AKIRIN1: variants seen among roughly 807,000 people sequenced by gnomAD.
AKIRIN1 encodes akirin 1.
In AKIRIN1, 4 loss-of-function variants were observed where a neutral mutation model predicts 25.9. The observed-to-expected ratio is 0.15, with a 90% confidence interval of 0.08 to 0.35. AKIRIN1 has a LOEUF of 0.35. Among genes scored for constraint, AKIRIN1 ranks in the 10% least tolerant of loss-of-function variants. The pLI is 1.00. For missense variants in AKIRIN1, 243 were observed against 266.1 expected, an observed-to-expected ratio of 0.91 and a Z score of 0.61; for synonymous variants, 125 against 105.1, an observed-to-expected ratio of 1.19 and a Z score of -1.16.
At chr1:38,994,363 T>A (rs1326895711) in intron 1 of AKIRIN1, among the ~76,000 whole-genome samples, 1 of 152,182 alleles carries the variant, frequency 6.6e-6, no homozygotes, top group East Asian at 1.9e-4. Context: ...AAATCTTTAT[T>A]GAGTGCTAGG....
chr1:38,994,672 A>ATTTTTTTTTTTTTTTTTTTTTTTT (rs10528399), intron 1 of AKIRIN1, among the ~76,000 whole-genome samples: 8 of 63,554 alleles, frequency 1.3e-4, no homozygotes, highest in South Asian at 2.2e-3. Flanking sequence ...CGCTCGGCTA[A>ATTTTTTTTTTTTTTTTTTTTTTTT]TTTTTTTTTT....
rs1643930315 is a variant in AKIRIN1 at position 38,994,231 on chromosome 1, T to G, written c.220+2631T>G. Among the ~76,000 whole-genome samples, 4 of 152,204 alleles carry G rather than the reference T, an allele frequency of 2.6e-5. No individual in the cohort carries two copies. In the South Asian group the frequency reaches 8.3e-4, roughly 31 times the overall value. Reference sequence around the variant, plus strand: ...TTTGGGGTAAGGGATGTTCAATTGGTAAGTATAATGCAACTATTCCACAAT... The same window carrying G: ...TTTGGGGTAAGGGATGTTCAATTGGGAAGTATAATGCAACTATTCCACAAT... On this transcript the variant is annotated intron_variant, in intron 1 of 4. Coordinates refer to ENST00000432648, the MANE Select transcript of AKIRIN1 (RefSeq NM_024595.3).
intron 1 of AKIRIN1, among the ~76,000 whole-genome samples, 170 bp from the exon 2 acceptor site, chr1:38,998,001 G>A (rs1352385243): frequency 1.3e-5 from 2 of 152,092 alleles, no homozygotes; most frequent in Admixed American, 6.6e-5. Flanking sequence ...TGCTTGGTAC[G>A]GTATAAACGT....
rs1355435386 is a variant in AKIRIN1 at position 38,998,575 on chromosome 1, C to A, written c.361+264C>A. 2.0e-5 allele frequency among the ~76,000 whole-genome samples: 3 copies of A among 152,084 alleles called. No individual in the cohort carries two copies. The East Asian group carries it at 5.8e-4, about 29-fold the overall frequency. On this transcript the variant is annotated intron_variant, in intron 2 of 4. Coordinates refer to ENST00000432648, the MANE Select transcript of AKIRIN1 (RefSeq NM_024595.3). Reference sequence around the variant, plus strand: ...GTAGCCAGGGTGCAATAAATAGCCACATGTGGGCTATTTAATTTTAAACTA... The same window carrying A: ...GTAGCCAGGGTGCAATAAATAGCCAAATGTGGGCTATTTAATTTTAAACTA...
chr1:39,004,171 A>G lies in AKIRIN1; in HGVS notation c.*116A>G. 2 of 1,162,364 alleles carry G rather than the reference A, an allele frequency of 1.7e-6. No individual in the cohort carries two copies. Among genetic ancestry groups the G allele is most frequent in the South Asian group, 2.5e-5 (2 of 81,366 alleles). The allele number at this position is 1,162,364 out of a possible 1,614,324, so 72.0% of individuals were successfully genotyped here. ...CAACTTTGCATCCTGAGAACACTTA[A>G]ACGTTTCTGCAGGTCCATTTTATAC... On this transcript the variant is annotated 3_prime_UTR_variant, in exon 5 of 5. Coordinates refer to ENST00000432648, the MANE Select transcript of AKIRIN1 (RefSeq NM_024595.3).
At chr1:39,002,170 T>TAGGTCA (rs1314462567) in intron 3 of AKIRIN1, among the ~76,000 whole-genome samples, 1 of 152,202 alleles carries the variant, frequency 6.6e-6, no homozygotes, top group Non-Finnish European at 1.5e-5. Context: ...CTATGGGATA[T>TAGGTCA]AGGTCAAGAT....
At chr1:38,995,965 T>C (rs1289913162) in intron 1 of AKIRIN1, among the ~76,000 whole-genome samples, 1 of 151,780 alleles carries the variant, frequency 6.6e-6, no homozygotes, top group Non-Finnish European at 1.5e-5. Flanking sequence ...ACCTGGGAGG[T>C]AGAGGTTGCA....
chr1:38,998,440 T>G, intron 2 of AKIRIN1, 129 bp downstream of exon 2: 1 of 1,085,652 alleles, frequency 9.2e-7, no homozygotes, highest in South Asian at 2.1e-5. Context: ...TTTACAGATA[T>G]TTTTAAAACT....
chr1:38,991,428 G>A lies in AKIRIN1; in HGVS notation c.48G>A (p.Ala16=). The part of the protein sequence containing the change: ...TLKRPMEFEA[A]LLSPGSPKRR... ...AGCGGCCCATGGAGTTCGAGGCGGC[G>A]CTGCTGAGCCCCGGCTCCCCGAAGC... The change falls in exon 1 of 5, where the codon GCG becomes GCA. Residue 16 remains alanine, a synonymous_variant. Coordinates refer to ENST00000432648, the MANE Select transcript of AKIRIN1 (RefSeq NM_024595.3). 7.3e-7 allele frequency: 1 copy of A among 1,363,704 alleles called. No individual in the cohort carries two copies. Among genetic ancestry groups the A allele is most frequent in the Non-Finnish European group, 9.4e-7 (1 of 1,062,422 alleles). 84.5% of individuals were successfully genotyped at this position (1,363,704 alleles called of 1,614,324 possible). A position where few individuals can be genotyped will look rare whatever the true frequency, so the allele number is the denominator to read the frequency against.
Position 38,991,433 on chromosome 1 carries a change from T to C in AKIRIN1, c.53T>C (p.Leu18Pro). The C allele has an allele frequency of 7.3e-7, 1 of 1,367,042 alleles. No homozygotes were observed. The highest frequency in any genetic ancestry group is 1.7e-5 in the South Asian group (1 of 59,742). The allele number at this position is 1,367,042 out of a possible 1,614,324, so 84.7% of individuals were successfully genotyped here. A position where few individuals can be genotyped will look rare whatever the true frequency, so the allele number is the denominator to read the frequency against. ...CCCATGGAGTTCGAGGCGGCGCTGCTGAGCCCCGGCTCCCCGAAGCGGCGG... is the reference window on the plus strand; with the variant it reads ...CCCATGGAGTTCGAGGCGGCGCTGCCGAGCCCCGGCTCCCCGAAGCGGCGG... ...KRPMEFEAAL[L>P]SPGSPKRRRC... Residue 18 changes from leucine to proline, a missense_variant, in exon 1 of 5, where the codon CTG (leucine) becomes CCG (proline). Around this residue, in one of 3 missense-constraint regions of AKIRIN1, gnomAD observed 28 missense variants for 46.4 expected, o/e 0.60. Transcript: ENST00000432648.
chr1:38,994,119 C>G (rs898090153), intron 1 of AKIRIN1, among the ~76,000 whole-genome samples: 1 of 151,468 alleles, frequency 6.6e-6, no homozygotes, highest in Non-Finnish European at 1.5e-5. Flanking sequence ...TTCTGAAATC[C>G]GAAATGCTGC....
Position 39,003,303 on chromosome 1 carries a change from T to C in AKIRIN1, c.497-44T>C, listed in dbSNP as rs1448032620. Reference sequence around the variant, plus strand: ...ATCCTGACGCTTGATTCTTAAAAATTGAGGGAGAGTTGCTGAGGATAAGTA... The same window carrying C: ...ATCCTGACGCTTGATTCTTAAAAATCGAGGGAGAGTTGCTGAGGATAAGTA... On this transcript the variant is annotated intron_variant, in intron 3 of 4. Coordinates refer to ENST00000432648, the MANE Select transcript of AKIRIN1 (RefSeq NM_024595.3). 8.9e-6 allele frequency: 14 copies of C among 1,575,626 alleles called. No homozygotes were observed. In the African/African-American group the frequency reaches 1.9e-4, roughly 21 times the overall value.
At chr1:38,996,912 C>T (rs1345366936) in intron 1 of AKIRIN1, among the ~76,000 whole-genome samples, 1 of 152,212 alleles carries the variant, frequency 6.6e-6, no homozygotes, top group Non-Finnish European at 1.5e-5. Flanking sequence ...TGTGGAACCA[C>T]TTGAATTCAT....
chr1:38,996,697 A>T (rs4370759), intron 1 of AKIRIN1, among the ~76,000 whole-genome samples: 53,847 of 151,582 alleles, frequency 0.36, 10,068 homozygotes, highest in Non-Finnish European at 0.4. Flanking sequence ...GCCTGGCTAA[A>T]TTTTTTTATT....
chr1:38,999,873 TG>T, intron 2 of AKIRIN1, among the ~76,000 whole-genome samples: 1 of 150,466 alleles, frequency 6.6e-6, no homozygotes, highest in East Asian at 1.9e-4. Context: ...TTTTTGTTTT[TG>T]TTTTTTGTTT....
intron 1 of AKIRIN1, among the ~76,000 whole-genome samples, chr1:38,996,515 G>T (rs1643949632): frequency 6.7e-6 from 1 of 148,716 alleles, no homozygotes; most frequent in African/African-American, 2.5e-5. Flanking sequence ...TAGCACTCTT[G>T]TTTTTTTGTT....
intron 1 of AKIRIN1, among the ~76,000 whole-genome samples, chr1:38,992,720 C>G (rs1643915811): frequency 6.6e-6 from 1 of 152,110 alleles, no homozygotes; most frequent in South Asian, 2.1e-4. Context: ...GAACTGTGAC[C>G]ATATCTTACC....
chr1:39,000,710 G>A (rs1173346611), intron 2 of AKIRIN1, among the ~76,000 whole-genome samples: 1 of 151,254 alleles, frequency 6.6e-6, no homozygotes, highest in Non-Finnish European at 1.5e-5. Flanking sequence ...AGGCTGGAGT[G>A]CAGTGGCACA....
At chr1:38,999,780 G>A (rs1413921154) in intron 2 of AKIRIN1, among the ~76,000 whole-genome samples, 1 of 152,232 alleles carries the variant, frequency 6.6e-6, no homozygotes, top group African/African-American at 2.4e-5. Context: ...CTAACAAATG[G>A]CCAAAGAAAC....
Sources: allele counts gnomAD v4.1 joint callset (sites outside exome capture counted in the v4.1 genomes callset), GRCh38; gene constraint gnomAD v4.1.1; regional missense constraint gnomAD v4.1.1; transcripts MANE v1.5; gene names NCBI Gene and HGNC (gene_info 2026-07-23, HGNC 2026-07-21).